The following FRAS1 variants were observed in gnomAD, a reference collection of about 807,000 sequenced individuals.
FRAS1 encodes Fraser extracellular matrix complex subunit 1.
Under a neutral mutation model 435.2 loss-of-function variants are expected in FRAS1, and 290 were observed. The ratio of observed to expected loss-of-function variants is 0.67; its 90% confidence interval spans 0.61 to 0.73. The LOEUF (loss-of-function observed/expected upper bound fraction) is 0.73, where lower values mean the gene tolerates loss of function less well. Among genes scored for constraint, FRAS1 ranks in the 30% least tolerant of loss-of-function variants. The pLI, the probability that FRAS1 is intolerant of heterozygous loss-of-function variation, is 0.00. For missense variants in FRAS1, 4,860 were observed against 5,001.5 expected (o/e 0.97, Z 0.85); for synonymous variants, 1,800 against 1,851.0 (o/e 0.97, Z 0.71).
In FRAS1 at chr4:78,526,604, A is replaced by G. The variant is rs1721542076; in HGVS notation, c.10872A>G (p.Pro3624=). The change falls in exon 70 of 74, where the codon CCA becomes CCG. Residue 3624 remains proline, a synonymous_variant. Coordinates refer to ENST00000512123, the MANE Select transcript of FRAS1 (RefSeq NM_025074.7). Reference sequence around the variant, plus strand: ...CTTGCACAGTGCAGCCCACACAGCCATGGGTTGACCCAGGAGAGAAGCCTT... The same window carrying G: ...CTTGCACAGTGCAGCCCACACAGCCGTGGGTTGACCCAGGAGAGAAGCCTT... The part of the protein sequence containing the change: ...LIPCTVQPTQ[P]WVDPGEKPLA... 2 of 1,602,430 alleles carry G rather than the reference A, an allele frequency of 1.2e-6. No homozygotes were observed. Among genetic ancestry groups the G allele is most frequent in the South Asian group, 1.1e-5 (1 of 87,964 alleles).
chr4:78,508,927 C>T lies in FRAS1; in HGVS notation c.9701C>T (p.Ala3234Val), dbSNP rs768187539. 2 of 1,613,388 alleles carry T rather than the reference C, an allele frequency of 1.2e-6. No homozygotes were observed. Among genetic ancestry groups the T allele is most frequent in the Non-Finnish European group, 1.7e-6 (2 of 1,179,796 alleles). ...GTGCAGTTCAGCTGGGAAGTGGCTG[C>T]CCCCACTGATGGCAATGGGGCCCGG... ...TSVQFSWEVA[A>V]PTDGNGARSP... is the part of the protein sequence containing the mutation. The change falls in exon 63 of 74, where the codon GCC becomes GTC. Residue 3234 changes from alanine (A) to valine (V), a missense_variant. Transcript: ENST00000512123.
At chr4:78,406,622 C>A (rs924722428) in intron 30 of FRAS1, among the ~76,000 whole-genome samples, 1 of 152,122 alleles carries the variant, frequency 6.6e-6, no homozygotes, top group Admixed American at 6.5e-5. Flanking sequence ...CTTGGAGATA[C>A]AATTCAAGTT....
chr4:78,354,807 A>G (rs1319703561), intron 20 of FRAS1, among the ~76,000 whole-genome samples: 1 of 152,232 alleles, frequency 6.6e-6, no homozygotes, highest in South Asian at 2.1e-4. Context: ...CCATAAAACC[A>G]ACATCCAAAG....
intron 2 of FRAS1, among the ~76,000 whole-genome samples, chr4:78,091,506 G>A (rs1234178875): frequency 6.6e-6 from 1 of 152,088 alleles, no homozygotes; most frequent in Non-Finnish European, 1.5e-5. Flanking sequence ...GAATGAATGG[G>A]CCAAAATGTA....
chr4:78,451,501 C>T (rs1289254637), intron 45 of FRAS1, among the ~76,000 whole-genome samples: 1 of 152,130 alleles, frequency 6.6e-6, no homozygotes, highest in Non-Finnish European at 1.5e-5. Context: ...AGAGGCTGAG[C>T]TGATCTTCCA....
intron 14 of FRAS1, among the ~76,000 whole-genome samples, chr4:78,295,192 A>G (rs6854207): frequency 0.29 from 44,455 of 152,116 alleles, 7,480 homozygotes; most frequent in East Asian, 0.38. Context: ...TTTTAATTAT[A>G]TGTAACCATG....
intron 2 of FRAS1, among the ~76,000 whole-genome samples, chr4:78,157,296 A>T (rs903295347): frequency 6.6e-6 from 1 of 152,162 alleles, no homozygotes; most frequent in South Asian, 2.1e-4. Context: ...GTACATGCAT[A>T]TGTCTTTTTG....
intron 29 of FRAS1, among the ~76,000 whole-genome samples, chr4:78,389,995 T>G (rs1732382006): frequency 6.6e-6 from 1 of 152,126 alleles, no homozygotes; most frequent in Non-Finnish European, 1.5e-5. Flanking sequence ...CATCCCTCTC[T>G]CCTGTATTGC....
chr4:78,333,208 A>G, intron 18 of FRAS1, 64 bp from the exon 19 acceptor site: 2 of 1,531,196 alleles, frequency 1.3e-6, no homozygotes, highest in Non-Finnish European at 1.8e-6. Flanking sequence ...TGGGAGAGAT[A>G]GAGTTACTGT....
At chr4:78,380,064 G>T in intron 27 of FRAS1, 68 bp downstream of exon 27, 1 of 1,532,524 alleles carries the variant, frequency 6.5e-7, no homozygotes, top group East Asian at 2.3e-5. Context: ...CCTCCACCCT[G>T]TCCCAGCCTC....
chr4:78,119,410 C>A (rs761404394), intron 2 of FRAS1, among the ~76,000 whole-genome samples: 8 of 152,138 alleles, frequency 5.3e-5, no homozygotes, highest in Non-Finnish European at 1.0e-4. Context: ...TTTATTCCCC[C>A]TACATATGAG....
rs185522343 is a variant in FRAS1, at chr4:78,202,956, G to A, written c.109-34554G>A. Among the ~76,000 whole-genome samples the A allele has an allele frequency of 7.7e-4, 117 of 152,284 alleles. No homozygotes were observed. The East Asian group carries it at 8.3e-3, about 11-fold the overall frequency. On this transcript the variant is annotated intron_variant, in intron 2 of 73. Coordinates refer to ENST00000512123, the MANE Select transcript of FRAS1 (RefSeq NM_025074.7). ...CTCTTCTGACTGTGCATGGGGTGGT[G>A]AGCTGGGCTTTCTTATTTGTGGATG...
At chr4:78,083,627 T>TG (rs1491529089) in intron 2 of FRAS1, among the ~76,000 whole-genome samples, 1 of 8,136 alleles carries the variant, frequency 1.2e-4, no homozygotes, top group Non-Finnish European at 2.7e-4. Flanking sequence ...GCAAGTTCTG[T>TG]TTTTTTTTTT....
At chr4:78,135,125 A>C (rs536972779) in intron 2 of FRAS1, among the ~76,000 whole-genome samples, 23 of 152,298 alleles carry the variant, frequency 1.5e-4, no homozygotes, top group Admixed American at 3.9e-4. Flanking sequence ...GATAAGCCAA[A>C]AACTTCCCCC....
intron 67 of FRAS1, among the ~76,000 whole-genome samples, chr4:78,521,013 A>G (rs1721370166): frequency 6.6e-6 from 1 of 152,178 alleles, no homozygotes; most frequent in South Asian, 2.1e-4. Context: ...GACCATGACT[A>G]CAATTTCCTT....
intron 14 of FRAS1, among the ~76,000 whole-genome samples, chr4:78,301,660 ACT>A: frequency 6.6e-6 from 1 of 151,982 alleles, no homozygotes. Context: ...TCCTGTGGAC[ACT>A]CTGTGGTGTG....
intron 9 of FRAS1, among the ~76,000 whole-genome samples, chr4:78,277,590 A>C (rs13108102): frequency 2.0e-4 from 31 of 152,100 alleles, no homozygotes; most frequent in Admixed American, 1.9e-3. Flanking sequence ...GTGTATACAC[A>C]TGAAAAACAG....
chr4:78,124,494 A>G (rs980696385), intron 2 of FRAS1, among the ~76,000 whole-genome samples: 3 of 152,286 alleles, frequency 2.0e-5, no homozygotes, highest in Admixed American at 2.0e-4. Flanking sequence ...TCATAAAATG[A>G]GTTAGGGAGG....
At chr4:78,367,249 TAAAAA>T (rs1731306998) in intron 22 of FRAS1, among the ~76,000 whole-genome samples, 1 of 151,470 alleles carries the variant, frequency 6.6e-6, no homozygotes, top group Non-Finnish European at 1.5e-5. Flanking sequence ...TAGAAAAAAT[TAAAAA>T]ATAAGCTGGG....
Sources: gnomAD v4.1 joint callset for allele counts (sites outside exome capture counted in the v4.1 genomes callset) on GRCh38, gnomAD v4.1.1 for gene constraint, MANE v1.5 for transcripts, NCBI Gene and HGNC (gene_info 2026-07-23, HGNC 2026-07-21) for gene names.